The following NUP98 variants were observed in gnomAD, a reference collection of about 807,000 sequenced individuals.
NUP98 encodes the protein nucleoporin 98 and 96 precursor, also known as nuclear pore complex protein Nup98-Nup96.
In NUP98, 26 loss-of-function variants were observed where a neutral mutation model predicts 191.9. The ratio of observed to expected loss-of-function variants is 0.14; its 90% CI spans 0.10 to 0.19. The LOEUF is 0.19. Ranked by LOEUF, NUP98 falls within the 10% of genes least tolerant of loss-of-function variation. The probability of loss-of-function intolerance (pLI) is 1.00; values close to 1 mark genes in which losing one functional copy is unlikely to be tolerated. For missense variants in NUP98, 1,941 were observed against 2,178.8 expected, an observed-to-expected ratio of 0.89 and a Z score of 2.17; for synonymous variants, 808 against 778.4, an observed-to-expected ratio of 1.04 and a Z score of -0.63.
chr11:3,715,402 G>C (rs944524434), intron 18 of NUP98, among the ~76,000 whole-genome samples: 16 of 151,944 alleles, frequency 1.1e-4, no homozygotes, highest in South Asian at 4.2e-4. Context: ...CAAAGTGTTG[G>C]GATTATAGGC....
At chr11:3,765,516 G>A (rs2081307474) in intron 8 of NUP98, among the ~76,000 whole-genome samples, 2 of 152,068 alleles carry the variant, frequency 1.3e-5, no homozygotes, top group Middle Eastern at 3.4e-3. Flanking sequence ...TGATCAATTT[G>A]TGGCCAGGCA....
intron 9 of NUP98, among the ~76,000 whole-genome samples, chr11:3,761,565 C>T (rs1249590489): frequency 6.6e-6 from 1 of 152,174 alleles, no homozygotes; most frequent in Non-Finnish European, 1.5e-5. Context: ...CGAGACCAGC[C>T]TGGCCACCAT....
At chr11:3,714,954 A>G (rs539008959) in intron 18 of NUP98, 6 of 152,308 alleles carry the variant, frequency 3.9e-5, no homozygotes, top group Non-Finnish European at 8.8e-5. Flanking sequence ...TGCTATGAAC[A>G]TGGGTATACA....
chr11:3,782,366 T>C (rs1175594519), intron 1 of NUP98, among the ~76,000 whole-genome samples: 1 of 152,038 alleles, frequency 6.6e-6, no homozygotes, highest in Non-Finnish European at 1.5e-5. Context: ...TAATGTGAGG[T>C]TAAACTTCAG....
rs776712156 is a variant in NUP98, at chr11:3,699,073, C to T, written c.4009+9G>A. The T allele has an allele frequency of 6.2e-7, 1 of 1,611,856 alleles. No individual in the cohort carries two copies. Among genetic ancestry groups the T allele is most frequent in the East Asian group, 2.2e-5 (1 of 44,870 alleles). ...AGAGGCGCAGAGAAGGACCATATGC[C>T]TTCCCCACCTGACTGCTGGGCCAGA... On this transcript the variant is annotated intron_variant, in intron 25 of 32. Coordinates refer to ENST00000324932, the MANE Select transcript of NUP98 (RefSeq NM_016320.5).
At chr11:3,712,016 C>T (rs1459971277) in intron 20 of NUP98, 9 of 1,049,464 alleles carry the variant, frequency 8.6e-6, no homozygotes, top group Non-Finnish European at 1.0e-5. Flanking sequence ...CCCTAATCTC[C>T]CCAAGCCAAA....
intron 28 of NUP98, among the ~76,000 whole-genome samples, chr11:3,688,627 T>G (rs1359138323): frequency 6.7e-6 from 1 of 150,272 alleles, no homozygotes; most frequent in Non-Finnish European, 1.5e-5. Flanking sequence ...AAACCCCATT[T>G]CTACTAAAAA....
intron 19 of NUP98, among the ~76,000 whole-genome samples, chr11:3,713,085 T>A (rs1181889665): frequency 6.6e-6 from 1 of 152,212 alleles, no homozygotes; most frequent in Non-Finnish European, 1.5e-5. Context: ...AGTTAAATAA[T>A]TCAACCAGCC....
rs781695715 is a variant in NUP98, at chr11:3,676,549, C to T, written c.5145G>A (p.Gln1715=). 1 of 1,614,218 alleles carries T rather than the reference C, an allele frequency of 6.2e-7. No homozygotes were observed. Among genetic ancestry groups the T allele is most frequent in the South Asian group, 1.1e-5 (1 of 91,086 alleles). The change falls in exon 32 of 33, where the codon CAG becomes CAA. Residue 1715 remains glutamine (Q), a synonymous_variant. Transcript: ENST00000324932. ...GATCTTTAGCACTGTAACACTGAAT[C>T]TGCTCTATCCGACTGCACAGTGAAG... ...KVTSLCSRIE[Q]IQCYSAKDRL...
At chr11:3,738,795 AAAAG>A in intron 12 of NUP98, among the ~76,000 whole-genome samples, 1 of 149,524 alleles carries the variant, frequency 6.7e-6, no homozygotes, top group Non-Finnish European at 1.5e-5. Flanking sequence ...AAAAAAAAAA[AAAAG>A]GAAAGAAAGA....
intron 6 of NUP98, 52 bp downstream of exon 6, chr11:3,773,580 T>A: frequency 8.6e-7 from 1 of 1,157,914 alleles, no homozygotes; most frequent in Non-Finnish European, 1.3e-6. Context: ...AAAAGCTGCA[T>A]TCCAATAAAA....
At chr11:3,738,636 G>A (rs182361939) in intron 12 of NUP98, among the ~76,000 whole-genome samples, 25 of 152,018 alleles carry the variant, frequency 1.6e-4, no homozygotes, top group African/African-American at 3.6e-4. Flanking sequence ...AGAATTAGCC[G>A]GGCATGGTGA....
chr11:3,689,536 A>AG (rs2078240683), intron 28 of NUP98, among the ~76,000 whole-genome samples: 2 of 152,142 alleles, frequency 1.3e-5, no homozygotes. Flanking sequence ...CTCAAAAAAA[A>AG]AACCAAAAAA....
chr11:3,733,236 T>TG (rs201838077), intron 13 of NUP98, among the ~76,000 whole-genome samples: 8,459 of 152,336 alleles, frequency 0.056, 272 homozygotes, highest in Middle Eastern at 0.1. Flanking sequence ...TTCTTTCTTA[T>TG]GATTTGCCTA....
chr11:3,777,779 A>C (rs2081795144), intron 4 of NUP98, among the ~76,000 whole-genome samples: 1 of 152,290 alleles, frequency 6.6e-6, no homozygotes, highest in Admixed American at 6.5e-5. Flanking sequence ...CTTCTTTCTA[A>C]AACATGTCTT....
chr11:3,712,787 C>G, intron 19 of NUP98, 59 bp from the exon 20 acceptor site: 1 of 1,540,280 alleles, frequency 6.5e-7, no homozygotes, highest in Non-Finnish European at 8.8e-7. Flanking sequence ...CAATACCTGC[C>G]TTTGCAATCT....
chr11:3,746,838 G>A (rs1391943364), intron 11 of NUP98, among the ~76,000 whole-genome samples: 2 of 151,530 alleles, frequency 1.3e-5, no homozygotes, highest in Non-Finnish European at 2.9e-5. Flanking sequence ...GCTTGAGCCC[G>A]GGAGGCGGAG....
Position 3,753,755 on chromosome 11 carries a change from CAAAAAAAAAAAAAAAAAAAA to C in NUP98, c.1175-367_1175-348del, listed in dbSNP as rs58867754. On this transcript the variant is annotated intron_variant, in intron 10 of 32. Transcript: ENST00000324932. ...GTGAAACCCCGTCTCTATAAAAATA[CAAAAAAAAAAAAAAAAAAAA>C]AAAAAAAAAAAAAAAAGGCCAGGTA... Among the ~76,000 whole-genome samples, 18 of 10,174 alleles carry C rather than the reference CAAAAAAAAAAAAAAAAAAAA, an allele frequency of 1.8e-3. No homozygotes were observed. The South Asian group carries it at 0.062, about 35-fold the overall frequency. 6.7% of individuals were successfully genotyped at this position (10,174 alleles called of 152,430 possible). A position where few individuals can be genotyped will look rare whatever the true frequency, so the allele number is the denominator to read the frequency against.
At chr11:3,709,125 T>C (rs2134151389) in intron 20 of NUP98, among the ~76,000 whole-genome samples, 1 of 152,224 alleles carries the variant, frequency 6.6e-6, no homozygotes, top group African/African-American at 2.4e-5. Flanking sequence ...TTCAACAGAG[T>C]GAATGACAAG....
Sources: gnomAD v4.1 joint callset for allele counts (sites outside exome capture counted in the v4.1 genomes callset) on GRCh38, gnomAD v4.1.1 for gene constraint, MANE v1.5 for transcripts, NCBI Gene and HGNC (gene_info 2026-07-23, HGNC 2026-07-21) for gene names.